The following ALPK3 variants were observed in gnomAD, a reference collection of about 807,000 sequenced individuals.
ALPK3 encodes alpha-protein kinase 3.
ALPK3 carries 102 observed loss-of-function variants against 140.0 expected under a neutral mutation model. That is an observed-to-expected ratio of 0.73 (90% CI 0.62 to 0.86). The LOEUF is 0.86. Among genes scored for constraint, ALPK3 ranks in the 40% least tolerant of loss-of-function variants. ALPK3 has a pLI of 0.00. For synonymous variants in ALPK3, 938 were observed against 898.5 expected (o/e 1.04, Z -0.79); for missense variants, 2,254 against 2,208.2 (o/e 1.02, Z -0.42).
rs1181228124 is a variant in ALPK3, at chr15:84,868,557, G to A, written c.*101G>A. 4 of 1,178,756 alleles carry A rather than the reference G, an allele frequency of 3.4e-6. No individual in the cohort carries two copies. Among genetic ancestry groups the A allele is most frequent in the Non-Finnish European group, 4.6e-6 (4 of 862,472 alleles). The allele number at this position is 1,178,756 out of a possible 1,614,324, so 73.0% of individuals were successfully genotyped here. On this transcript the variant is annotated 3_prime_UTR_variant, in exon 14 of 14. Coordinates refer to ENST00000258888, the MANE Select transcript of ALPK3 (RefSeq NM_020778.5). ...AAATATGGAACTAACTGGAGAAGGT[G>A]CACGAAGGAGACACCACTTGGGGAC...
intron 5 of ALPK3, among the ~76,000 whole-genome samples, chr15:84,846,981 T>G (rs1294219860): frequency 6.6e-6 from 1 of 152,120 alleles, no homozygotes; most frequent in Non-Finnish European, 1.5e-5. Flanking sequence ...GCCAGCCTGG[T>G]CTTGAACTCC....
chr15:84,856,397 G>C lies in ALPK3; in HGVS notation c.1659G>C (p.Leu553=). The C allele has an allele frequency of 1.3e-6, 2 of 1,593,478 alleles. No individual in the cohort carries two copies. Among genetic ancestry groups the C allele is most frequent in the Non-Finnish European group, 1.7e-6 (2 of 1,171,710 alleles). Residue 553 remains leucine (L), a synonymous_variant, in exon 6 of 14, where the codon CTG becomes CTC. Coordinates refer to ENST00000258888, the MANE Select transcript of ALPK3 (RefSeq NM_020778.5). ...QAGHRTPGEV[L]ECQTTTAPTM... is the part of the protein sequence containing the mutation. ...TTTTGTCCCTCTGTTTTCAGGTCCT[G>C]GAATGCCAGACAACCACGGCTCCTA...
intron 13 of ALPK3, among the ~76,000 whole-genome samples, chr15:84,867,663 G>C (rs557283050): frequency 1.3e-5 from 2 of 152,270 alleles, no homozygotes; most frequent in South Asian, 4.1e-4. Flanking sequence ...AGGGTCCTGT[G>C]ATGAGAGTGC....
At chr15:84,818,804 C>G (rs1443600910) in intron 1 of ALPK3, among the ~76,000 whole-genome samples, 1 of 152,196 alleles carries the variant, frequency 6.6e-6, no homozygotes, top group Non-Finnish European at 1.5e-5. Context: ...TCAGACTCAA[C>G]AAGGCCCCTG....
chr15:84,847,211 GAGAGAGAGAGA>G (rs1963741909), intron 5 of ALPK3, among the ~76,000 whole-genome samples: 2 of 24,456 alleles, frequency 8.2e-5, no homozygotes, highest in East Asian at 3.8e-3. Context: ...GAAACGGGGA[GAGAGAGAGAGA>G]GAGAGAGAGA....
In ALPK3 at chr15:84,868,871, C is replaced by T; in HGVS notation, c.*415C>T. The T allele has an allele frequency of 5.1e-6, 1 of 197,142 alleles. No individual in the cohort carries two copies. Among genetic ancestry groups the T allele is most frequent in the Admixed American group, 5.2e-5 (1 of 19,052 alleles). 12.2% of individuals were successfully genotyped at this position (197,142 alleles called of 1,614,324 possible). A position where few individuals can be genotyped will look rare whatever the true frequency, so the allele number is the denominator to read the frequency against. On this transcript the variant is annotated 3_prime_UTR_variant, in exon 14 of 14. Transcript: ENST00000258888. Reference sequence around the variant, plus strand: ...GAGGACATGCAGGCCAACTTTTACCCTCCTGCATTTGCCTGGCCCTGATCT... The same window carrying T: ...GAGGACATGCAGGCCAACTTTTACCTTCCTGCATTTGCCTGGCCCTGATCT...
At chr15:84,843,931 C>T (rs1221367317) in intron 5 of ALPK3, among the ~76,000 whole-genome samples, 4 of 151,934 alleles carry the variant, frequency 2.6e-5, no homozygotes, top group Non-Finnish European at 5.9e-5. Context: ...CCTGTCTCTA[C>T]TAAAAATATA....
chr15:84,840,844 T>G lies in ALPK3; in HGVS notation c.1565T>G (p.Val522Gly). 1 of 1,614,170 alleles carries G rather than the reference T, an allele frequency of 6.2e-7. No individual in the cohort carries two copies. The highest frequency in any genetic ancestry group is 8.5e-7 in the Non-Finnish European group (1 of 1,180,026). ...GGAAAGGCCCCACCTCAGGCCTCTG[T>G]GCAGGTGCCGACGCCCCCTGCCCGG... ...SLGKAPPQASVQVPTPPARRR... is the reference protein window; with the variant it reads ...SLGKAPPQASGQVPTPPARRR... The change falls in exon 5 of 14, where the codon GTG (valine) becomes GGG (glycine). Residue 522 changes from valine to glycine, a missense_variant. Val to Gly is a moderately radical substitution (Grantham distance 109). Around this residue, in one of 3 missense-constraint regions of ALPK3, gnomAD observed 2,088 missense variants for 2,022.9 expected, o/e 1.03. Transcript: ENST00000258888.
At chr15:84,837,185 T>C (rs1422190263) in intron 3 of ALPK3, among the ~76,000 whole-genome samples, 2 of 152,018 alleles carry the variant, frequency 1.3e-5, no homozygotes, top group African/African-American at 4.8e-5. Context: ...AGCAGAGAAA[T>C]GAGAGCAGGG....
chr15:84,853,684 A>C (rs761807460), intron 5 of ALPK3, among the ~76,000 whole-genome samples: 2 of 151,918 alleles, frequency 1.3e-5, no homozygotes, highest in African/African-American at 2.4e-5. Context: ...TGGGAGGATC[A>C]CTTGAGCCCA....
At position 84,858,085 on chromosome 15, in the gene ALPK3, G is replaced by A. The variant is rs554737333; in HGVS notation, c.3347G>A (p.Gly1116Glu). 2.5e-6 allele frequency: 4 copies of A among 1,568,874 alleles called. No individual in the cohort carries two copies. The African/African-American group carries it at 5.4e-5, about 21-fold the overall frequency. ...GAGAGCAGCATGGCTGGTCGACTGG[G>A]GGAGGCGGGTGGGCAGGCAGCCCCT... ...SQESSMAGRL[G>E]EAGGQAAPGQ... is the part of the protein sequence containing the mutation. Residue 1116 changes from glycine (G) to glutamate (E), a missense_variant, in exon 6 of 14, where the codon GGG (glycine) becomes GAG (glutamate). Gly to Glu is a moderately conservative substitution (Grantham distance 98, BLOSUM62 -2). Transcript: ENST00000258888.
intron 10 of ALPK3, among the ~76,000 whole-genome samples, chr15:84,863,180 T>A (rs956845117): frequency 1.3e-5 from 2 of 152,122 alleles, no homozygotes; most frequent in Non-Finnish European, 2.9e-5. Flanking sequence ...CCCTGCCCCA[T>A]ACATAATCTC....
At chr15:84,828,066 C>T (rs1307451654) in intron 3 of ALPK3, among the ~76,000 whole-genome samples, 3 of 152,348 alleles carry the variant, frequency 2.0e-5, no homozygotes, top group East Asian at 3.9e-4. Context: ...AGTCCTGGCT[C>T]ATCCCCTTTC....
intron 1 of ALPK3, 72 bp downstream of exon 1, chr15:84,817,667 TG>T (rs1963376954): frequency 7.2e-7 from 1 of 1,395,072 alleles, no homozygotes; most frequent in African/African-American, 1.5e-5. Context: ...GAGGGCGGCC[TG>T]GCCCCTGGAG....
At chr15:84,824,836 C>T (rs1963467618) in intron 2 of ALPK3, among the ~76,000 whole-genome samples, 1 of 152,196 alleles carries the variant, frequency 6.6e-6, no homozygotes, top group Admixed American at 6.5e-5. Flanking sequence ...GATGTGTGGA[C>T]TTCCTGGCTT....
intron 5 of ALPK3, among the ~76,000 whole-genome samples, chr15:84,849,050 G>A (rs1435408632): frequency 6.6e-6 from 1 of 152,064 alleles, no homozygotes; most frequent in Non-Finnish European, 1.5e-5. Context: ...GCTGAAGCAG[G>A]AGAATCACTT....
Position 84,857,432 on chromosome 15 carries a change from G to T in ALPK3, c.2694G>T (p.Leu898=). The change falls in exon 6 of 14, where the codon CTG becomes CTT. Residue 898 remains leucine, a synonymous_variant. Coordinates refer to ENST00000258888, the MANE Select transcript of ALPK3 (RefSeq NM_020778.5). ...AGCACGGGAGCACAGCCACCTTCCTGCCCTCTGAGGATCAGGTCCTGATGA... is the reference window on the plus strand; with the variant it reads ...AGCACGGGAGCACAGCCACCTTCCTTCCCTCTGAGGATCAGGTCCTGATGA... ...TSQHGSTATF[L]PSEDQVLMSS... The T allele has an allele frequency of 6.2e-7, 1 of 1,614,002 alleles. No homozygotes were observed. The highest frequency in any genetic ancestry group is 1.7e-5 in the Admixed American group (1 of 60,024).
chr15:84,856,370 G>T (rs1963860117), intron 5 of ALPK3, 22 bp from the exon 6 acceptor site: 3 of 1,567,026 alleles, frequency 1.9e-6, no homozygotes, highest in South Asian at 1.2e-5. Context: ...TTAAATCCTT[G>T]CTTTTGTCCC....
chr15:84,858,307 C>T lies in ALPK3; in HGVS notation c.3569C>T (p.Thr1190Met), dbSNP rs368985779. The T allele has an allele frequency of 4.4e-5, 69 of 1,570,722 alleles. No homozygotes were observed. Among genetic ancestry groups the T allele is most frequent in the South Asian group, 8.1e-5 (7 of 85,948 alleles). The change falls in exon 6 of 14, where the codon ACG (threonine) becomes ATG (methionine). Residue 1190 changes from threonine (T) to methionine (M), a missense_variant. Around this residue, in one of 3 missense-constraint regions of ALPK3, gnomAD observed 2,088 missense variants for 2,022.9 expected, o/e 1.03. Coordinates refer to ENST00000258888, the MANE Select transcript of ALPK3 (RefSeq NM_020778.5). Reference sequence around the variant, plus strand: ...ACACCTGAAGAAAGGGAGAGCCCCACGGTTTCCCCCCGGGGGCCCAGGAAA... The same window carrying T: ...ACACCTGAAGAAAGGGAGAGCCCCATGGTTTCCCCCCGGGGGCCCAGGAAA... ...ATTPEERESP[T>M]VSPRGPRKSL...
Sources: gnomAD v4.1 joint callset for allele counts (sites outside exome capture counted in the v4.1 genomes callset) on GRCh38, gnomAD v4.1.1 for gene constraint, gnomAD v4.1.1 regional missense constraint, MANE v1.5 for transcripts, NCBI Gene and HGNC (gene_info 2026-07-23, HGNC 2026-07-21) for gene names.